Variants in USO1 observed in about 807,000 individuals in gnomAD.
The protein encoded by USO1 is general vesicular transport factor p115.
In USO1, 57 loss-of-function variants were observed where a neutral mutation model predicts 124.5. That is an observed-to-expected ratio of 0.46 (90% CI 0.37 to 0.57). USO1 has a LOEUF of 0.57. Among genes scored for constraint, USO1 ranks in the 20% least tolerant of loss-of-function variants. The pLI is 0.00. For synonymous variants in USO1, 369 were observed against 362.8 expected, an observed-to-expected ratio of 1.02 and a Z score of -0.19; for missense variants, 900 against 1,040.6, an observed-to-expected ratio of 0.86 and a Z score of 1.86.
At position 75,805,293 on chromosome 4, in the gene USO1, T is replaced by G. The variant is rs750706684; in HGVS notation, c.2279T>G (p.Ile760Ser). The G allele has an allele frequency of 6.2e-7, 1 of 1,600,600 alleles. No individual in the cohort carries two copies. Among genetic ancestry groups the G allele is most frequent in the Non-Finnish European group, 8.5e-7 (1 of 1,175,182 alleles). ...CAGCTGACTGAAAAGGACTCTATGATTGAAAATATGGTAAAGTAAATGTTT... is the reference window on the plus strand; with the variant it reads ...CAGCTGACTGAAAAGGACTCTATGAGTGAAAATATGGTAAAGTAAATGTTT... ...QSQLTEKDSM[I>S]ENMKSSQTSG... Residue 760 changes from isoleucine (I) to serine (S), a missense_variant, in exon 19 of 24, where the codon ATT becomes AGT. Around this residue, in one of 2 missense-constraint regions of USO1, gnomAD observed 362 missense variants for 359.0 expected, o/e 1.01. Transcript: ENST00000514213.
At chr4:75,797,486 T>A (rs1722720492) in intron 13 of USO1, among the ~76,000 whole-genome samples, 1 of 151,170 alleles carries the variant, frequency 6.6e-6, no homozygotes, top group African/African-American at 2.4e-5. Flanking sequence ...CTTTTTTCTT[T>A]TTTTTTACAG....
intron 9 of USO1, among the ~76,000 whole-genome samples, chr4:75,784,799 A>T (rs1321457627): frequency 6.6e-6 from 1 of 152,176 alleles, no homozygotes; most frequent in Non-Finnish European, 1.5e-5. Context: ...AGGAAAAAAA[A>T]AAAAAATTAC....
intron 8 of USO1, among the ~76,000 whole-genome samples, chr4:75,778,745 G>A (rs1722139444): frequency 6.6e-6 from 1 of 152,188 alleles, no homozygotes; most frequent in Non-Finnish European, 1.5e-5. Flanking sequence ...TTATAGCACA[G>A]AGTGAACCTT....
Position 75,782,746 on chromosome 4 carries a change from A to AT in USO1, c.750dup (p.Lys251Ter). 6.3e-7 allele frequency: 1 copy of AT among 1,583,776 alleles called. No individual in the cohort carries two copies. Among genetic ancestry groups the AT allele is most frequent in the Non-Finnish European group, 8.6e-7 (1 of 1,166,176 alleles). ...TTAAAAAACAACAACTCCAATCAAA[A>AT]TTTTTTTAAAGAAGGCTCATATATT... is the stretch of plus-strand genomic sequence containing the variant. On this transcript the variant is annotated frameshift_variant, in exon 9 of 24. Coordinates refer to ENST00000514213, the MANE Select transcript of USO1 (RefSeq NM_003715.4). LOFTEE classifies it high-confidence loss of function.
At chr4:75,766,985 GGATTCTACCTATCATTAGTATTT>G (rs955317767) in intron 4 of USO1, among the ~76,000 whole-genome samples, 8 of 152,106 alleles carry the variant, frequency 5.3e-5, no homozygotes, top group African/African-American at 1.9e-4. Context: ...AGTTCAGAGG[GGATTCTACCTATCATTAGTATTT>G]GATAGTCACT....
chr4:75,792,360 A>G (rs1052976867), intron 12 of USO1, among the ~76,000 whole-genome samples: 19 of 152,202 alleles, frequency 1.2e-4, no homozygotes, highest in Admixed American at 2.6e-4. Flanking sequence ...AACATGGTGA[A>G]AACCCATCTC....
Position 75,724,773 on chromosome 4 carries a change from TC to T in USO1, c.-46del, listed in dbSNP as rs1161966532. The T allele has an allele frequency of 6.2e-7, 1 of 1,606,436 alleles. No homozygotes were observed. Among genetic ancestry groups the T allele is most frequent in the Non-Finnish European group, 8.5e-7 (1 of 1,174,102 alleles). On this transcript the variant is annotated 5_prime_UTR_variant, in exon 1 of 24. Coordinates refer to ENST00000514213, the MANE Select transcript of USO1 (RefSeq NM_003715.4). ...CTGCGGAGGGCGGGGGAAGTTGTCT[TC>T]TTTTTTTTCCGGAGGGGCCGGTAAA...
At chr4:75,751,072 A>G (rs1011884113) in intron 1 of USO1, among the ~76,000 whole-genome samples, 2 of 151,956 alleles carry the variant, frequency 1.3e-5, no homozygotes, top group African/African-American at 2.4e-5. Flanking sequence ...ATGTATTACA[A>G]TTGTTTAGCT....
intron 1 of USO1, among the ~76,000 whole-genome samples, chr4:75,749,354 C>CT (rs1721230564): frequency 6.6e-6 from 1 of 151,514 alleles, no homozygotes; most frequent in Non-Finnish European, 1.5e-5. Flanking sequence ...TTGCCAAAAT[C>CT]TTAATGTACA....
rs1720339191 is a variant in USO1 at position 75,724,742 on chromosome 4, C to G, written c.-78C>G. 1 of 1,503,726 alleles carries G rather than the reference C, an allele frequency of 6.7e-7. No individual in the cohort carries two copies. The highest frequency in any genetic ancestry group is 1.4e-5 in the African/African-American group (1 of 72,694). 93.1% of individuals were successfully genotyped at this position (1,503,726 alleles called of 1,614,324 possible). A position where few individuals can be genotyped will look rare whatever the true frequency, so the allele number is the denominator to read the frequency against. ...GTGTGTAGAGTGCGGGATTGGGGCC[C>G]AGGCCCTGCGGAGGGCGGGGGAAGT... On this transcript the variant is annotated 5_prime_UTR_variant, in exon 1 of 24. Coordinates refer to ENST00000514213, the MANE Select transcript of USO1 (RefSeq NM_003715.4).
intron 1 of USO1, among the ~76,000 whole-genome samples, chr4:75,726,247 CTCT>C (rs1482119850): frequency 7.2e-6 from 1 of 139,772 alleles, no homozygotes; most frequent in African/African-American, 2.9e-5. Flanking sequence ...TGCCATTGCA[CTCT>C]AGCCTGGGCA....
intron 4 of USO1, among the ~76,000 whole-genome samples, chr4:75,758,721 TA>T (rs1352454707): frequency 6.6e-6 from 1 of 152,008 alleles, no homozygotes; most frequent in Non-Finnish European, 1.5e-5. Context: ...CCATCTCATT[TA>T]AAAAAAATTT....
chr4:75,785,937 A>G (rs1722349908), intron 9 of USO1, among the ~76,000 whole-genome samples: 1 of 152,174 alleles, frequency 6.6e-6, no homozygotes. Flanking sequence ...AAGTCCAAGG[A>G]CAGGAACCAA....
rs1383588349 is a variant in USO1, at chr4:75,801,131, A to G, written c.1917A>G (p.Glu639=). The change falls in exon 17 of 24, where the codon GAA becomes GAG. Residue 639 remains glutamate, a synonymous_variant. Coordinates refer to ENST00000514213, the MANE Select transcript of USO1 (RefSeq NM_003715.4). ...YKSSEEDKKE[E]EVKKTLEQHD... ...CCAGTGAAGAAGATAAAAAAGAAGA[A>G]GAGGTGAAAAAAACATTAGAACAGC... 1 of 1,608,416 alleles carries G rather than the reference A, an allele frequency of 6.2e-7. No homozygotes were observed. Among genetic ancestry groups the G allele is most frequent in the Non-Finnish European group, 8.5e-7 (1 of 1,177,292 alleles).
intron 13 of USO1, among the ~76,000 whole-genome samples, chr4:75,797,523 A>G (rs1430731467): frequency 7.4e-6 from 1 of 134,288 alleles, no homozygotes; most frequent in Non-Finnish European, 1.6e-5. Context: ...CACTTTTTTC[A>G]TATGATCTTC....
At chr4:75,759,245 C>CTTTTTTTT (rs1560443228) in intron 4 of USO1, among the ~76,000 whole-genome samples, 5 of 11,554 alleles carry the variant, frequency 4.3e-4, no homozygotes, top group Non-Finnish European at 8.9e-4. Flanking sequence ...TTATTAAGGA[C>CTTTTTTTT]CTTTTTTTTT....
intron 10 of USO1, among the ~76,000 whole-genome samples, chr4:75,789,046 A>C (rs1349754916): frequency 2.0e-5 from 3 of 152,014 alleles, no homozygotes; most frequent in Admixed American, 2.0e-4. Context: ...AAGCCATTAT[A>C]ATCCTCCTTT....
In USO1 at chr4:75,797,177, C is replaced by T. The variant is rs114400401; in HGVS notation, c.1453-2445C>T. Among the ~76,000 whole-genome samples, 779 of 151,866 alleles carry T rather than the reference C, an allele frequency of 5.1e-3. 7 individuals carry two copies. Among genetic ancestry groups the T allele is most frequent in the African/African-American group, 0.018 (743 of 41,452 alleles). ...GAGCGAGACCTGGTCTCCAATCCCC[C>T]CAAAAAAGACTTTATAAGGAATTAT... On this transcript the variant is annotated intron_variant, in intron 13 of 23. Transcript: ENST00000514213.
rs560356935 is a variant in USO1 at position 75,746,569 on chromosome 4, C to T, written c.67-5804C>T. Among the ~76,000 whole-genome samples, 10 of 152,296 alleles carry T rather than the reference C, an allele frequency of 6.6e-5. No individual in the cohort carries two copies. In the East Asian group the frequency reaches 1.3e-3, roughly 21 times the overall value. ...ATATAGACTTGTGTATAGACTAAAACATGACTAGGTCTTTGTAGGGTTTGG... is the reference window on the plus strand; with the variant it reads ...ATATAGACTTGTGTATAGACTAAAATATGACTAGGTCTTTGTAGGGTTTGG... On this transcript the variant is annotated intron_variant, in intron 1 of 23. Coordinates refer to ENST00000514213, the MANE Select transcript of USO1 (RefSeq NM_003715.4).
Sources: gnomAD v4.1 joint callset for allele counts (sites outside exome capture counted in the v4.1 genomes callset) on GRCh38, gnomAD v4.1.1 for gene constraint, gnomAD v4.1.1 regional missense constraint, MANE v1.5 for transcripts, NCBI Gene and HGNC (gene_info 2026-07-23, HGNC 2026-07-21) for gene names.